RARRES1: variants seen among roughly 807,000 people sequenced by gnomAD.
The protein encoded by RARRES1 is retinoic acid receptor responder 1.
A neutral mutation model predicts 30.6 loss-of-function variants in RARRES1; 34 were observed. The ratio of observed to expected loss-of-function variants is 1.11; its 90% CI spans 0.84 to 1.48. The LOEUF (loss-of-function observed/expected upper bound fraction) is 1.48, where lower values mean the gene tolerates loss of function less well. RARRES1 is among the 40% of genes most tolerant of loss of function. The pLI is 0.00. For missense variants in RARRES1, 373 were observed against 386.5 expected (o/e 0.97, Z 0.29); for synonymous variants, 153 against 155.5 (o/e 0.98, Z 0.12).
At chr3:158,700,221 G>GTA (rs1392716644) in intron 4 of RARRES1, among the ~76,000 whole-genome samples, 2 of 151,236 alleles carry the variant, frequency 1.3e-5, no homozygotes, top group African/African-American at 4.9e-5. Context: ...GTGTGTGTGT[G>GTA]TGTATATATA....
intron 1 of RARRES1, among the ~76,000 whole-genome samples, chr3:158,730,087 C>A (rs1384693713): frequency 6.6e-6 from 1 of 151,660 alleles, no homozygotes; most frequent in Non-Finnish European, 1.5e-5. Context: ...TTTGGGAGAC[C>A]CAGGCGGCCA....
chr3:158,728,006 C>G (rs1727745390), intron 1 of RARRES1, among the ~76,000 whole-genome samples: 1 of 152,162 alleles, frequency 6.6e-6, no homozygotes, highest in African/African-American at 2.4e-5. Context: ...CTCACAGAAT[C>G]AAAGAATTTC....
intron 2 of RARRES1, among the ~76,000 whole-genome samples, chr3:158,711,600 CTTTT>C (rs1175463184): frequency 2.5e-5 from 3 of 121,310 alleles, no homozygotes; most frequent in Admixed American, 8.5e-5. Context: ...TTGCATTCAT[CTTTT>C]TTTTTTTTTT....
chr3:158,705,854 A>C (rs1361095756), intron 3 of RARRES1: 2 of 152,176 alleles, frequency 1.3e-5, no homozygotes, highest in Non-Finnish European at 2.9e-5. Flanking sequence ...AAATCTTTTA[A>C]ATTTGGCAAA....
At chr3:158,700,737 A>G (rs562187189) in intron 4 of RARRES1, among the ~76,000 whole-genome samples, 2 of 152,308 alleles carry the variant, frequency 1.3e-5, no homozygotes, top group East Asian at 1.9e-4. Context: ...TTTGGCTTCA[A>G]TTCAGATCAT....
intron 1 of RARRES1, among the ~76,000 whole-genome samples, chr3:158,718,482 T>A (rs1727397198): frequency 1.3e-5 from 2 of 152,198 alleles, no homozygotes; most frequent in Admixed American, 6.5e-5. Context: ...AGCAATGAGT[T>A]AATACAGTAC....
intron 1 of RARRES1, among the ~76,000 whole-genome samples, chr3:158,718,539 G>A (rs1306919575): frequency 1.3e-5 from 2 of 152,242 alleles, no homozygotes; most frequent in East Asian, 1.9e-4. Flanking sequence ...CCATTGCTGG[G>A]TGGGGTTTGG....
intron 1 of RARRES1, among the ~76,000 whole-genome samples, chr3:158,720,023 G>A (rs1391272096): frequency 6.6e-6 from 1 of 152,066 alleles, no homozygotes; most frequent in African/African-American, 2.4e-5. Context: ...TATCACTAAA[G>A]CCCTTTAGTA....
At chr3:158,710,006 G>C (rs1727057199) in intron 3 of RARRES1, among the ~76,000 whole-genome samples, 1 of 152,226 alleles carries the variant, frequency 6.6e-6, no homozygotes, top group African/African-American at 2.4e-5. Flanking sequence ...GTGTAAGGCT[G>C]TGATGAGCAG....
rs375490466 is a variant in RARRES1 at position 158,697,659 on chromosome 3, A to G, written c.*19T>C. 16 of 1,595,838 alleles carry G rather than the reference A, an allele frequency of 1.0e-5. No homozygotes were observed. Among genetic ancestry groups the G allele is most frequent in the Non-Finnish European group, 1.3e-5 (15 of 1,166,960 alleles). On this transcript the variant is annotated 3_prime_UTR_variant, in exon 6 of 6. Coordinates refer to ENST00000237696, the MANE Select transcript of RARRES1 (RefSeq NM_206963.2). The stretch of plus-strand genomic sequence containing the variant: ...TATAGTCACTTGTTTAGAAGTCGGA[A>G]AAAGATCATTTTTTCTTTTTAGAAA...
At chr3:158,719,186 T>A (rs1274161798) in intron 1 of RARRES1, among the ~76,000 whole-genome samples, 1 of 152,070 alleles carries the variant, frequency 6.6e-6, no homozygotes, top group Non-Finnish European at 1.5e-5. Context: ...TTTTAAAAAA[T>A]TATGTATAAA....
intron 1 of RARRES1, among the ~76,000 whole-genome samples, chr3:158,728,210 TAA>T (rs1553746094): frequency 6.9e-6 from 1 of 144,958 alleles, no homozygotes. Flanking sequence ...CTATTTCGTT[TAA>T]AAAAAAAAAA....
At chr3:158,698,159 G>T in intron 4 of RARRES1, 189 bp from the exon 5 acceptor site, 1 of 554,740 alleles carries the variant, frequency 1.8e-6, no homozygotes, top group East Asian at 3.0e-5. Context: ...TCTTGTCACT[G>T]AGTTATATGA....
intron 1 of RARRES1, among the ~76,000 whole-genome samples, chr3:158,715,025 G>C (rs761330785): frequency 2.0e-5 from 3 of 152,222 alleles, no homozygotes; most frequent in Non-Finnish European, 4.4e-5. Flanking sequence ...TACATGTACA[G>C]ATGTTGCTGG....
chr3:158,722,572 A>G (rs1727549038), intron 1 of RARRES1, among the ~76,000 whole-genome samples: 2 of 152,180 alleles, frequency 1.3e-5, no homozygotes, highest in African/African-American at 4.8e-5. Context: ...ATGTATTCTA[A>G]GAGCACATTT....
intron 1 of RARRES1, among the ~76,000 whole-genome samples, chr3:158,730,482 G>C (rs1213470052): frequency 2.0e-5 from 3 of 148,316 alleles, no homozygotes; most frequent in Non-Finnish European, 3.0e-5. Flanking sequence ...CTGGAGGGCA[G>C]TGGCACATTC....
rs1726795390 is a variant in RARRES1, at chr3:158,703,238, GC to G, written c.672+1552del. ...CCTAGCACTGGGGCCACTGTTTCCT[GC>G]TTTCCCTCTATGTGAACTCTCCGTG... On this transcript the variant is annotated intron_variant, in intron 4 of 5. Coordinates refer to ENST00000237696, the MANE Select transcript of RARRES1 (RefSeq NM_206963.2). 2.6e-5 allele frequency among the ~76,000 whole-genome samples: 4 copies of G among 152,214 alleles called. No individual in the cohort carries two copies. In the South Asian group the frequency reaches 8.3e-4, roughly 32 times the overall value.
intron 1 of RARRES1, among the ~76,000 whole-genome samples, chr3:158,729,715 G>T (rs539910222): frequency 2.6e-5 from 4 of 152,026 alleles, no homozygotes; most frequent in African/African-American, 9.7e-5. Flanking sequence ...GCCTCCCAAA[G>T]TGCTGAGATT....
At position 158,705,029 on chromosome 3, in the gene RARRES1, ATC is replaced by A. The variant is rs2108133274; in HGVS notation, c.536-104_536-103del. 2.8e-6 allele frequency: 4 copies of A among 1,430,268 alleles called. No individual in the cohort carries two copies. In the African/African-American group the frequency reaches 4.3e-5, roughly 15 times the overall value. The allele number at this position is 1,430,268 out of a possible 1,614,324, so 88.6% of individuals were successfully genotyped here. A position where few individuals can be genotyped will look rare whatever the true frequency, so the allele number is the denominator to read the frequency against. On this transcript the variant is annotated intron_variant, in intron 3 of 5. Transcript: ENST00000237696. ...GGGTTTAAACTTAGTCATACCAGTC[ATC>A]TCTCTCACAGCAAGACCTTGAGCCA...
Sources: gnomAD v4.1 joint callset for allele counts (sites outside exome capture counted in the v4.1 genomes callset) on GRCh38, gnomAD v4.1.1 for gene constraint, MANE v1.5 for transcripts, NCBI Gene and HGNC (gene_info 2026-07-23, HGNC 2026-07-21) for gene names.